The following SEMA3E variants were observed in gnomAD, a reference collection of about 807,000 sequenced individuals.
SEMA3E encodes semaphorin-3E.
Under a neutral mutation model 93.6 loss-of-function variants are expected in SEMA3E, and 49 were observed. The observed-to-expected ratio is 0.52, with a 90% CI of 0.42 to 0.66. SEMA3E has a LOEUF of 0.66. SEMA3E is among the 30% of genes least tolerant of loss of function. SEMA3E has a pLI of 0.00. For missense variants in SEMA3E, 906 were observed against 964.8 expected, an observed-to-expected ratio of 0.94 and a Z score of 0.81; for synonymous variants, 363 against 330.7, an observed-to-expected ratio of 1.10 and a Z score of -1.06.
At chr7:83,554,217 T>C (rs551387726) in intron 1 of SEMA3E, among the ~76,000 whole-genome samples, 2 of 152,284 alleles carry the variant, frequency 1.3e-5, no homozygotes, top group East Asian at 1.9e-4. Flanking sequence ...TTACATTTCA[T>C]GACCAAAGTA....
At chr7:83,637,001 T>A (rs1793893584) in intron 1 of SEMA3E, among the ~76,000 whole-genome samples, 1 of 151,390 alleles carries the variant, frequency 6.6e-6, no homozygotes, top group African/African-American at 2.4e-5. Context: ...AGAACTGGGT[T>A]TGACTAAAAG....
chr7:83,419,522 T>C (rs564927340), intron 4 of SEMA3E, among the ~76,000 whole-genome samples: 1 of 152,354 alleles, frequency 6.6e-6, no homozygotes, highest in South Asian at 2.1e-4. Context: ...CTTTCCACAA[T>C]GGCTGAACTA....
intron 1 of SEMA3E, among the ~76,000 whole-genome samples, chr7:83,518,145 T>A (rs1391553647): frequency 6.6e-6 from 1 of 152,106 alleles, no homozygotes; most frequent in Non-Finnish European, 1.5e-5. Flanking sequence ...TTGGGATTTA[T>A]TTGTAGTTAG....
intron 1 of SEMA3E, among the ~76,000 whole-genome samples, chr7:83,575,397 G>C (rs1792379058): frequency 6.6e-6 from 1 of 151,566 alleles, no homozygotes. Flanking sequence ...AAAAGATGAG[G>C]TAATTTTTAT....
Position 83,402,613 on chromosome 7 carries a change from GT to G in SEMA3E, c.1143+18del. On this transcript the variant is annotated intron_variant, in intron 10 of 16. Coordinates refer to ENST00000643230, the MANE Select transcript of SEMA3E (RefSeq NM_012431.3). ...GTATACTTAAAAATAAGAATTATTT[GT>G]TATATAACTAAACTTACAGAACCAG... 6.2e-7 allele frequency: 1 copy of G among 1,602,714 alleles called. No homozygotes were observed. Among genetic ancestry groups the G allele is most frequent in the Non-Finnish European group, 8.5e-7 (1 of 1,170,308 alleles).
At chr7:83,477,604 C>T (rs530395523) in intron 2 of SEMA3E, among the ~76,000 whole-genome samples, 1 of 152,064 alleles carries the variant, frequency 6.6e-6, no homozygotes, top group East Asian at 1.9e-4. Context: ...TTTTAAAAAG[C>T]TTATTCTCCT....
intron 16 of SEMA3E, chr7:83,372,134 GTA>G (rs1351102579): frequency 2.5e-6 from 1 of 394,862 alleles, no homozygotes; most frequent in Non-Finnish European, 4.5e-6. Flanking sequence ...TAGCAATGGG[GTA>G]TATCCATACA....
At chr7:83,422,980 G>A (rs1788699305) in intron 4 of SEMA3E, among the ~76,000 whole-genome samples, 1 of 152,052 alleles carries the variant, frequency 6.6e-6, no homozygotes, top group Non-Finnish European at 1.5e-5. Context: ...CATAATATAG[G>A]TTCTTGAGGC....
chr7:83,466,452 T>G (rs147269780), intron 4 of SEMA3E, 30 bp downstream of exon 4: 5 of 1,612,952 alleles, frequency 3.1e-6, no homozygotes, highest in Non-Finnish European at 3.4e-6. Context: ...AGCATTGTTT[T>G]TATTGACAGC....
intron 1 of SEMA3E, among the ~76,000 whole-genome samples, chr7:83,640,959 G>A (rs1793997398): frequency 6.6e-6 from 1 of 151,976 alleles, no homozygotes; most frequent in African/African-American, 2.4e-5. Flanking sequence ...AAGAGAAAGA[G>A]AAGGAAGAAA....
At chr7:83,481,618 A>G (rs1790147383) in intron 2 of SEMA3E, among the ~76,000 whole-genome samples, 1 of 152,166 alleles carries the variant, frequency 6.6e-6, no homozygotes, top group Non-Finnish European at 1.5e-5. Flanking sequence ...ATCAGCACTG[A>G]GTTTTGCAAT....
intron 10 of SEMA3E, among the ~76,000 whole-genome samples, chr7:83,402,272 T>C (rs745432231): frequency 7.9e-5 from 12 of 151,964 alleles, no homozygotes; most frequent in Non-Finnish European, 1.5e-4. Context: ...TTATATGTGG[T>C]GCTAACTCCT....
chr7:83,536,379 A>G (rs865994776), intron 1 of SEMA3E, among the ~76,000 whole-genome samples: 7 of 152,218 alleles, frequency 4.6e-5, no homozygotes, highest in South Asian at 2.1e-4. Context: ...AATAATAACA[A>G]TTTTTTAAAA....
At chr7:83,480,467 T>A (rs1450897229) in intron 2 of SEMA3E, among the ~76,000 whole-genome samples, 1 of 152,106 alleles carries the variant, frequency 6.6e-6, no homozygotes, top group East Asian at 1.9e-4. Context: ...TATTAAGATG[T>A]TTTAAAGTCA....
chr7:83,601,647 G>A (rs1230721665), intron 1 of SEMA3E, among the ~76,000 whole-genome samples: 1 of 152,118 alleles, frequency 6.6e-6, no homozygotes. Context: ...TTAGCCTCCT[G>A]AAGCTGTAAA....
At chr7:83,392,114 T>C (rs2115579163) in intron 14 of SEMA3E, among the ~76,000 whole-genome samples, 1 of 152,276 alleles carries the variant, frequency 6.6e-6, no homozygotes, top group South Asian at 2.1e-4. Flanking sequence ...GTACCTTTCA[T>C]TTGTGTTGAA....
chr7:83,481,539 A>T (rs1413380863), intron 2 of SEMA3E, among the ~76,000 whole-genome samples: 1 of 152,142 alleles, frequency 6.6e-6, no homozygotes, highest in Non-Finnish European at 1.5e-5. Context: ...GAGGTGGGAG[A>T]TTCTCACATT....
chr7:83,375,928 A>G (rs1015389424), intron 16 of SEMA3E, among the ~76,000 whole-genome samples: 1 of 152,048 alleles, frequency 6.6e-6, no homozygotes, highest in Non-Finnish European at 1.5e-5. Flanking sequence ...ACATGAAATT[A>G]ATGGGCTAGC....
chr7:83,635,752 T>C (rs1419036313), intron 1 of SEMA3E, among the ~76,000 whole-genome samples: 1 of 152,004 alleles, frequency 6.6e-6, no homozygotes, highest in African/African-American at 2.4e-5. Flanking sequence ...ATAAACTAAG[T>C]AGAATGATAA....
Sources: gnomAD v4.1 joint callset for allele counts (sites outside exome capture counted in the v4.1 genomes callset) on GRCh38, gnomAD v4.1.1 for gene constraint, MANE v1.5 for transcripts, NCBI Gene and HGNC (gene_info 2026-07-23, HGNC 2026-07-21) for gene names.